The following SMC5 variants were observed in gnomAD, a reference collection of about 807,000 sequenced individuals.
SMC5 encodes structural maintenance of chromosomes 5.
A neutral mutation model predicts 148.3 loss-of-function variants in SMC5; 88 were observed. That is an observed-to-expected ratio of 0.59 (90% CI 0.50 to 0.71). SMC5 has a LOEUF of 0.71. SMC5 is among the 30% of genes least tolerant of loss of function. SMC5 has a pLI of 0.00. For missense variants in SMC5, 1,142 were observed against 1,298.9 expected (o/e 0.88, Z 1.86); for synonymous variants, 421 against 432.8 (o/e 0.97, Z 0.34).
intron 10 of SMC5, among the ~76,000 whole-genome samples, chr9:70,303,706 T>C (rs2035423093): frequency 6.6e-6 from 1 of 152,218 alleles, no homozygotes; most frequent in South Asian, 2.1e-4. Flanking sequence ...ATGAAAGTAA[T>C]GAAAGCTTTT....
At chr9:70,324,279 G>T in intron 17 of SMC5, 136 bp downstream of exon 17, 1 of 839,518 alleles carries the variant, frequency 1.2e-6, no homozygotes, top group South Asian at 2.1e-5. Context: ...GCATCATGTT[G>T]ATGAGGAAGT....
chr9:70,269,744 T>C (rs1285263703), intron 3 of SMC5, among the ~76,000 whole-genome samples: 1 of 152,164 alleles, frequency 6.6e-6, no homozygotes, highest in African/African-American at 2.4e-5. Flanking sequence ...AAAAGCAAAG[T>C]TGTAAATAAG....
intron 17 of SMC5, among the ~76,000 whole-genome samples, chr9:70,339,226 G>A (rs766276745): frequency 5.0e-4 from 76 of 152,152 alleles, no homozygotes; most frequent in South Asian, 2.1e-4. Flanking sequence ...TCGGGAGATC[G>A]AGACCATCCT....
chr9:70,261,500 G>A (rs369097950), intron 1 of SMC5, among the ~76,000 whole-genome samples: 2 of 152,208 alleles, frequency 1.3e-5, no homozygotes, highest in Non-Finnish European at 2.9e-5. Flanking sequence ...ATTCAGAAGA[G>A]GGAGCAGTTT....
At chr9:70,285,186 A>G (rs974337669) in intron 7 of SMC5, among the ~76,000 whole-genome samples, 1 of 152,190 alleles carries the variant, frequency 6.6e-6, no homozygotes, top group Non-Finnish European at 1.5e-5. Context: ...CACCGGAGAC[A>G]TGATTTCCTA....
intron 17 of SMC5, among the ~76,000 whole-genome samples, chr9:70,331,471 G>A (rs2210087): frequency 0.98 from 148,910 of 152,072 alleles, 72,972 homozygotes; most frequent in East Asian, 1. Flanking sequence ...TATTGATAAT[G>A]TTTTTAGGTT....
intron 10 of SMC5, among the ~76,000 whole-genome samples, chr9:70,303,320 A>T (rs911374105): frequency 2.6e-5 from 4 of 151,490 alleles, no homozygotes; most frequent in African/African-American, 7.3e-5. Flanking sequence ...TATTTTTTTT[A>T]AAAAGATGAC....
chr9:70,299,230 GA>G (rs1485232060), intron 9 of SMC5, among the ~76,000 whole-genome samples: 1 of 151,932 alleles, frequency 6.6e-6, no homozygotes, highest in African/African-American at 2.4e-5. Flanking sequence ...TAGAAGTTTA[GA>G]AATACTAAGT....
At chr9:70,293,594 T>C (rs1035201364) in intron 8 of SMC5, among the ~76,000 whole-genome samples, 11 of 152,190 alleles carry the variant, frequency 7.2e-5, no homozygotes, top group Non-Finnish European at 1.2e-4. Flanking sequence ...TTTCCTGTTA[T>C]CACTGCATTA....
At position 70,318,575 on chromosome 9, in the gene SMC5, C is replaced by G. The variant is rs776487311; in HGVS notation, c.1868C>G (p.Thr623Ser). The G allele has an allele frequency of 5.6e-6, 9 of 1,611,974 alleles. No homozygotes were observed. The highest frequency in any genetic ancestry group is 7.6e-6 in the Non-Finnish European group (9 of 1,179,052). ...GCAGAAGAAAAGTATGTGGTGAAAA[C>G]TTCTTTTTATTCAAACAAAGTTATT... ...YTAEEKYVVK[T>S]SFYSNKVISS... Residue 623 changes from threonine (T) to serine (S), a missense_variant, in exon 14 of 25, where the codon ACT (threonine) becomes AGT (serine). Thr to Ser is a moderately conservative substitution (Grantham distance 58, BLOSUM62 1). Coordinates refer to ENST00000361138, the MANE Select transcript of SMC5 (RefSeq NM_015110.4).
chr9:70,270,787 C>G (rs1431725893), intron 3 of SMC5, among the ~76,000 whole-genome samples: 1 of 151,082 alleles, frequency 6.6e-6, no homozygotes, highest in Non-Finnish European at 1.5e-5. Flanking sequence ...GCTGGTATTA[C>G]AAGCACCCAC....
chr9:70,268,814 A>G (rs1285622565), intron 3 of SMC5, among the ~76,000 whole-genome samples: 1 of 152,188 alleles, frequency 6.6e-6, no homozygotes, highest in East Asian at 1.9e-4. Context: ...TATGACACCA[A>G]TAATTCATCA....
In SMC5 at chr9:70,319,001, A is replaced by T. The variant is rs762360665; in HGVS notation, c.2150+38A>T. ...CTATTCAGGGGGGAGAGCACAAATT[A>T]CTGTATGGGAGAATATTAATTATAC... is the stretch of plus-strand genomic sequence containing the variant. On this transcript the variant is annotated intron_variant, in intron 15 of 24. Coordinates refer to ENST00000361138, the MANE Select transcript of SMC5 (RefSeq NM_015110.4). 2.6e-6 allele frequency: 4 copies of T among 1,535,842 alleles called. No individual in the cohort carries two copies. In the South Asian group the frequency reaches 3.8e-5, roughly 15 times the overall value.
chr9:70,349,824 G>T (rs2118850062), intron 22 of SMC5, among the ~76,000 whole-genome samples: 1 of 152,250 alleles, frequency 6.6e-6, no homozygotes, highest in Non-Finnish European at 1.5e-5. Flanking sequence ...TCTTGGGGAA[G>T]CCTACTAAAC....
chr9:70,308,835 G>A (rs987181549), intron 11 of SMC5, among the ~76,000 whole-genome samples: 16 of 151,838 alleles, frequency 1.1e-4, no homozygotes, highest in African/African-American at 3.4e-4. Flanking sequence ...TAGACATATC[G>A]ATTTTTTTAA....
At chr9:70,318,993 C>G in intron 15 of SMC5, 30 bp downstream of exon 15, 1 of 1,566,428 alleles carries the variant, frequency 6.4e-7, no homozygotes, top group Non-Finnish European at 8.6e-7. Context: ...GGGGGGAGAG[C>G]ACAAATTACT....
At chr9:70,319,073 C>A (rs2035883874) in intron 15 of SMC5, 110 bp downstream of exon 15, 1 of 1,000,212 alleles carries the variant, frequency 1.0e-6, no homozygotes. Flanking sequence ...GTAGTAATTT[C>A]TCTTTAATCT....
chr9:70,279,226 A>T (rs559736651), intron 5 of SMC5, among the ~76,000 whole-genome samples: 1 of 152,272 alleles, frequency 6.6e-6, no homozygotes, highest in African/African-American at 2.4e-5. Flanking sequence ...ATAATAAGAA[A>T]TCTTTTAGTC....
chr9:70,325,566 TCAAA>T (rs369205532), intron 17 of SMC5, among the ~76,000 whole-genome samples: 27 of 152,292 alleles, frequency 1.8e-4, no homozygotes, highest in African/African-American at 6.3e-4. Context: ...CTGTGAACTC[TCAAA>T]CTAACTGATA....
Sources: gnomAD v4.1 joint callset for allele counts (sites outside exome capture counted in the v4.1 genomes callset) on GRCh38, gnomAD v4.1.1 for gene constraint, MANE v1.5 for transcripts, NCBI Gene and HGNC (gene_info 2026-07-23, HGNC 2026-07-21) for gene names.